The following MS4A12 variants were observed in gnomAD, a reference collection of about 807,000 sequenced individuals.
The protein encoded by MS4A12 is membrane spanning 4-domains A12.
A neutral mutation model predicts 23.7 loss-of-function variants in MS4A12; 28 were observed. The ratio of observed to expected loss-of-function variants is 1.18; its 90% CI spans 0.88 to 1.62. The LOEUF is 1.62. Ranked by LOEUF, MS4A12 falls within the 40% of genes most tolerant of loss-of-function variation. The pLI is 0.00. For missense variants in MS4A12, 342 were observed against 327.0 expected, an observed-to-expected ratio of 1.05 and a Z score of -0.35; for synonymous variants, 108 against 110.1, an observed-to-expected ratio of 0.98 and a Z score of 0.12.
intron 4 of MS4A12, among the ~76,000 whole-genome samples, chr11:60,503,041 G>A (rs751297743): frequency 6.6e-6 from 1 of 152,114 alleles, no homozygotes; most frequent in Admixed American, 6.6e-5. Flanking sequence ...TAAAGAACTC[G>A]ACTGTGCCAC....
chr11:60,506,247 C>T (rs753610738), intron 5 of MS4A12, among the ~76,000 whole-genome samples: 85 of 152,082 alleles, frequency 5.6e-4, no homozygotes, highest in South Asian at 6.2e-4. Flanking sequence ...TAGAATGATG[C>T]TCCTCTCTCT....
chr11:60,502,960 A>G (rs1308239505), intron 4 of MS4A12, among the ~76,000 whole-genome samples: 3 of 152,122 alleles, frequency 2.0e-5, no homozygotes. Context: ...ACACATACCT[A>G]AGACAATTTT....
intron 1 of MS4A12, among the ~76,000 whole-genome samples, chr11:60,493,986 A>T (rs1451574548): frequency 1.3e-5 from 2 of 150,656 alleles, no homozygotes; most frequent in Non-Finnish European, 2.9e-5. Context: ...TCTTATTTTT[A>T]AAAAAAGGAC....
At chr11:60,493,402 G>C (rs1333014940) in intron 1 of MS4A12, among the ~76,000 whole-genome samples, 1 of 148,648 alleles carries the variant, frequency 6.7e-6, no homozygotes, top group African/African-American at 2.5e-5. Flanking sequence ...AAAAGCTAAT[G>C]CTAAGAAAGG....
chr11:60,500,017 A>T (rs976448979), intron 2 of MS4A12, among the ~76,000 whole-genome samples: 4 of 151,606 alleles, frequency 2.6e-5, no homozygotes, highest in Non-Finnish European at 5.9e-5. Flanking sequence ...AGGCGGGCAG[A>T]TCAAGAGGTC....
intron 4 of MS4A12, among the ~76,000 whole-genome samples, chr11:60,502,344 G>A (rs1353155945): frequency 6.6e-6 from 1 of 152,150 alleles, no homozygotes; most frequent in African/African-American, 2.4e-5. Context: ...TCTATTATGG[G>A]AAGTCCAAAG....
chr11:60,498,200 G>A (rs2086504240), intron 2 of MS4A12: 1 of 152,468 alleles, frequency 6.6e-6, no homozygotes, highest in South Asian at 2.1e-4. Context: ...TGCCTAGGTA[G>A]AATTGTTAGT....
chr11:60,506,964 G>A (rs2086575534), intron 6 of MS4A12, 56 bp from the exon 7 acceptor site: 5 of 1,543,364 alleles, frequency 3.2e-6, no homozygotes, highest in East Asian at 2.2e-5. Flanking sequence ...TGGTACCAGG[G>A]GAAATTGCAT....
chr11:60,496,339 TA>T, intron 1 of MS4A12, among the ~76,000 whole-genome samples: 1 of 152,338 alleles, frequency 6.6e-6, no homozygotes, highest in Middle Eastern at 3.4e-3. Flanking sequence ...AATCTAAGGC[TA>T]AAGACAAATT....
intron 4 of MS4A12, 33 bp from the exon 5 acceptor site, chr11:60,503,668 A>G: frequency 6.6e-7 from 1 of 1,515,406 alleles, no homozygotes; most frequent in Non-Finnish European, 9.1e-7. Context: ...GTGATCCTGT[A>G]TATAATTGAT....
At chr11:60,504,570 AC>A (rs1157074795) in intron 5 of MS4A12, among the ~76,000 whole-genome samples, 4 of 152,226 alleles carry the variant, frequency 2.6e-5, no homozygotes, top group Non-Finnish European at 5.9e-5. Flanking sequence ...TTTTCAGTTT[AC>A]AAAAAGCAGA....
intron 1 of MS4A12, among the ~76,000 whole-genome samples, chr11:60,495,970 C>T (rs2086484914): frequency 6.6e-6 from 1 of 152,176 alleles, no homozygotes; most frequent in Non-Finnish European, 1.5e-5. Flanking sequence ...AGTGATGCTG[C>T]ATGGAGGGGG....
chr11:60,506,708 C>T lies in MS4A12; in HGVS notation c.589-20C>T. On this transcript the variant is annotated intron_variant, in intron 5 of 6. Coordinates refer to ENST00000016913, the MANE Select transcript of MS4A12 (RefSeq NM_017716.3). ...GCCCTCCTGATTAGCCAAAATTTCA[C>T]TATTTATTTATGATTTCAGCTTTCT... is the stretch of plus-strand genomic sequence containing the variant. The T allele has an allele frequency of 6.2e-7, 1 of 1,607,014 alleles. No homozygotes were observed. The highest frequency in any genetic ancestry group is 8.5e-7 in the Non-Finnish European group (1 of 1,173,872).
Position 60,502,172 on chromosome 11 carries a change from T to C in MS4A12, c.471+133T>C, listed in dbSNP as rs1020285982. The C allele has an allele frequency of 4.7e-5, 42 of 897,968 alleles. 1 individual carries two copies. In the East Asian group the frequency reaches 1.0e-3, roughly 21 times the overall value. 55.6% of individuals were successfully genotyped at this position (897,968 alleles called of 1,614,324 possible). A position where few individuals can be genotyped will look rare whatever the true frequency, so the allele number is the denominator to read the frequency against. On this transcript the variant is annotated intron_variant, in intron 4 of 6. Coordinates refer to ENST00000016913, the MANE Select transcript of MS4A12 (RefSeq NM_017716.3). ...CCCAAAAAAAATCTATTGGTTGCCT[T>C]ATGGTCTGAGCGCTGGGGTGAGAAA...
In MS4A12 at chr11:60,501,045, G is replaced by A. The variant is rs1565204560; in HGVS notation, c.277G>A (p.Val93Met). Residue 93 changes from valine to methionine, a missense_variant and splice_region_variant, in exon 3 of 7, where the codon GTG becomes ATG. Transcript: ENST00000016913. ...NFKEEAKALGVIQIMVGLMHI... is the reference protein window; with the variant it reads ...NFKEEAKALGMIQIMVGLMHI... Reference sequence around the variant, plus strand: ...TTAAATGGCTGTTTTCTTTTTTCAGGTGATCCAGATCATGGTTGGATTGAT... The same window carrying A: ...TTAAATGGCTGTTTTCTTTTTTCAGATGATCCAGATCATGGTTGGATTGAT... The A allele has an allele frequency of 1.9e-6, 3 of 1,594,196 alleles. No homozygotes were observed. Among genetic ancestry groups the A allele is most frequent in the Non-Finnish European group, 2.6e-6 (3 of 1,173,934 alleles).
Position 60,507,378 on chromosome 11 carries a change from A to C in MS4A12, c.*254A>C. ...ATTCTGCAACTCTCTTAAAGTTAGA[A>C]ATGTTTCTGTTCATATTACTTTTTC... On this transcript the variant is annotated 3_prime_UTR_variant, in exon 7 of 7. Coordinates refer to ENST00000016913, the MANE Select transcript of MS4A12 (RefSeq NM_017716.3). 1 of 446,970 alleles carries C rather than the reference A, an allele frequency of 2.2e-6. No individual in the cohort carries two copies. The allele number at this position is 446,970 out of a possible 1,614,324, so 27.7% of individuals were successfully genotyped here. A position where few individuals can be genotyped will look rare whatever the true frequency, so the allele number is the denominator to read the frequency against.
chr11:60,503,738 T>C lies in MS4A12; in HGVS notation c.509T>C (p.Ile170Thr). The change falls in exon 5 of 7, where the codon ATC (isoleucine) becomes ACC (threonine). Residue 170 changes from isoleucine to threonine, a missense_variant. Physicochemically the swap from Ile to Thr is moderately conservative, Grantham distance 89. Coordinates refer to ENST00000016913, the MANE Select transcript of MS4A12 (RefSeq NM_017716.3). ...CTGGGAATGAACATTGTTAGTTCTATCTTGGCCTTCATTGGAGTGATTCTG... is the reference window on the plus strand; with the variant it reads ...CTGGGAATGAACATTGTTAGTTCTACCTTGGCCTTCATTGGAGTGATTCTG... Reference protein sequence around the residue: ...GSLGMNIVSSILAFIGVILLL... With the variant: ...GSLGMNIVSSTLAFIGVILLL... The C allele has an allele frequency of 1.9e-6, 3 of 1,613,930 alleles. No homozygotes were observed. The highest frequency in any genetic ancestry group is 2.5e-6 in the Non-Finnish European group (3 of 1,179,868).
intron 1 of MS4A12, among the ~76,000 whole-genome samples, chr11:60,495,915 C>T (rs535367412): frequency 1.3e-5 from 2 of 152,276 alleles, no homozygotes; most frequent in East Asian, 1.9e-4. Context: ...AGAGTCAATA[C>T]CCTGTCACCA....
At chr11:60,494,274 C>G (rs939074247) in intron 1 of MS4A12, among the ~76,000 whole-genome samples, 2 of 152,110 alleles carry the variant, frequency 1.3e-5, no homozygotes, top group Non-Finnish European at 2.9e-5. Context: ...ATTTACAGAT[C>G]TTAGTCCAGA....
Sources: allele counts gnomAD v4.1 joint callset (sites outside exome capture counted in the v4.1 genomes callset), GRCh38; gene constraint gnomAD v4.1.1; transcripts MANE v1.5; gene names NCBI Gene and HGNC (gene_info 2026-07-23, HGNC 2026-07-21).